The following PTPRN2 variants were observed in gnomAD, a reference collection of about 807,000 sequenced individuals.
The protein encoded by PTPRN2 is protein tyrosine phosphatase receptor type N2.
Under a neutral mutation model 118.8 loss-of-function variants are expected in PTPRN2, and 74 were observed. That is an observed-to-expected ratio of 0.62 (90% CI 0.52 to 0.76). The LOEUF (loss-of-function observed/expected upper bound fraction) is 0.76. Among genes scored for constraint, PTPRN2 ranks in the 30% least tolerant of loss-of-function variants. The pLI is 0.00. For missense variants in PTPRN2, 1,481 were observed against 1,394.4 expected, an observed-to-expected ratio of 1.06 and a Z score of -0.99; for synonymous variants, 641 against 608.0, an observed-to-expected ratio of 1.05 and a Z score of -0.80.
At chr7:158,560,250 G>C (rs142514784) in intron 1 of PTPRN2, among the ~76,000 whole-genome samples, 1 of 152,210 alleles carries the variant, frequency 6.6e-6, no homozygotes, top group African/African-American at 2.4e-5. Flanking sequence ...TCTAACCTTC[G>C]GTTATTGTGA....
At chr7:157,675,008 G>A (rs763098108) in intron 13 of PTPRN2, among the ~76,000 whole-genome samples, 19 of 152,288 alleles carry the variant, frequency 1.2e-4, no homozygotes, top group Admixed American at 2.6e-4. Context: ...CAAGCACAGC[G>A]CCCCTTGGGT....
chr7:158,228,165 G>A (rs1381078511), intron 3 of PTPRN2, among the ~76,000 whole-genome samples: 1 of 152,114 alleles, frequency 6.6e-6, no homozygotes, highest in African/African-American at 2.4e-5. Context: ...GTTGTTATAT[G>A]TTCACACTTC....
intron 2 of PTPRN2, among the ~76,000 whole-genome samples, chr7:158,455,267 C>A (rs1818387756): frequency 1.6e-5 from 2 of 125,978 alleles, no homozygotes; most frequent in Admixed American, 1.6e-4. Context: ...CGCCATCGGC[C>A]ACGGCCACCC....
intron 2 of PTPRN2, among the ~76,000 whole-genome samples, chr7:158,341,104 GTCACTCACACCCACA>G: frequency 6.4e-5 from 1 of 15,588 alleles, no homozygotes; most frequent in Non-Finnish European, 1.9e-4. Flanking sequence ...ACCTGCAGAC[GTCACTCACACCCACA>G]CGTCACTCAC....
rs200652430 is a variant in PTPRN2, at chr7:158,147,790, C to A, written c.911-9275G>T. 6.7e-3 allele frequency among the ~76,000 whole-genome samples: 461 copies of A among 68,946 alleles called. 4 individuals carry two copies. The highest frequency in any genetic ancestry group is 9.7e-3 in the Admixed American group (48 of 4,934). 45.2% of individuals were successfully genotyped at this position (68,946 alleles called of 152,430 possible). ...TCACGCCACGTGTTATTCCCCCTCA[C>A]TGACACCCCATTTCACGCCACACGT... On this transcript the variant is annotated intron_variant, in intron 6 of 22. Transcript: ENST00000389418.
At chr7:158,224,400 T>G (rs1828597603) in intron 3 of PTPRN2, among the ~76,000 whole-genome samples, 1 of 152,104 alleles carries the variant, frequency 6.6e-6, no homozygotes, top group Admixed American at 6.5e-5. Context: ...CAGATACAAA[T>G]AATACAATAG....
intron 10 of PTPRN2, among the ~76,000 whole-genome samples, chr7:158,089,426 A>G (rs60047187): frequency 2.6e-5 from 1 of 38,366 alleles, no homozygotes; most frequent in African/African-American, 5.0e-5. Flanking sequence ...CCCTGAGGAA[A>G]GAGGGAGTCT....
intron 12 of PTPRN2, among the ~76,000 whole-genome samples, chr7:157,822,760 G>A (rs1021541270): frequency 7.3e-5 from 11 of 150,180 alleles, no homozygotes; most frequent in African/African-American, 1.5e-4. Context: ...TCATCCATGC[G>A]TACATGCATC....
chr7:157,858,112 T>TCACCACCCACACTCCTGCAGGGAGAGCCC (rs1563179043), intron 12 of PTPRN2, among the ~76,000 whole-genome samples: 9 of 35,398 alleles, frequency 2.5e-4, no homozygotes, highest in African/African-American at 1.1e-3. Flanking sequence ...AGGGAGAGCC[T>TCACCACCCACACTCCTGCAGGGAGAGCCC]CCCAGCCACC....
chr7:158,167,845 C>G (rs1235391083), intron 5 of PTPRN2, among the ~76,000 whole-genome samples: 1 of 152,242 alleles, frequency 6.6e-6, no homozygotes, highest in Non-Finnish European at 1.5e-5. Flanking sequence ...GACATCCTTC[C>G]TCTTTCAGCC....
intron 2 of PTPRN2, among the ~76,000 whole-genome samples, chr7:158,396,696 G>A (rs1812542611): frequency 6.6e-6 from 1 of 152,170 alleles, no homozygotes; most frequent in Non-Finnish European, 1.5e-5. Context: ...GTGCATGTTT[G>A]TGTGTGCACA....
intron 1 of PTPRN2, among the ~76,000 whole-genome samples, chr7:158,521,248 G>C (rs952004894): frequency 6.6e-6 from 1 of 152,118 alleles, no homozygotes; most frequent in Admixed American, 6.6e-5. Context: ...GGTATGCAGG[G>C]CTGGCTGTAT....
intron 2 of PTPRN2, among the ~76,000 whole-genome samples, chr7:158,444,152 GGA>G (rs760593232): frequency 8.5e-5 from 13 of 152,340 alleles, no homozygotes; most frequent in Non-Finnish European, 1.8e-4. Context: ...CCTGCCCCAG[GGA>G]TGCTGCAGCC....
intron 6 of PTPRN2, among the ~76,000 whole-genome samples, chr7:158,139,235 C>T (rs560879556): frequency 3.3e-5 from 5 of 152,248 alleles, no homozygotes; most frequent in East Asian, 3.9e-4. Flanking sequence ...CTGCCATAAC[C>T]GCGGAGAGAT....
intron 12 of PTPRN2, among the ~76,000 whole-genome samples, chr7:157,776,280 C>G (rs1803230628): frequency 6.9e-6 from 1 of 145,670 alleles, no homozygotes; most frequent in Non-Finnish European, 1.5e-5. Context: ...TCCTCTTCAC[C>G]TCCTCCCTGT....
chr7:157,747,638 G>C (rs141224740), intron 12 of PTPRN2, among the ~76,000 whole-genome samples: 287 of 55,876 alleles, frequency 5.1e-3, no homozygotes, highest in Middle Eastern at 0.03. Context: ...TGTGGGGTGT[G>C]CGGGTGATTC....
intron 11 of PTPRN2, among the ~76,000 whole-genome samples, chr7:157,980,292 T>A (rs2128827732): frequency 6.6e-6 from 1 of 152,322 alleles, no homozygotes; most frequent in South Asian, 2.1e-4. Context: ...GTAAGAAAGT[T>A]CTTAAACCAC....
At chr7:158,582,796 CAAAAAAAAAAAAA>C (rs1156687117) in intron 1 of PTPRN2, among the ~76,000 whole-genome samples, 2 of 44,296 alleles carry the variant, frequency 4.5e-5, no homozygotes, top group African/African-American at 1.5e-4. Flanking sequence ...GACTCCATCT[CAAAAAAAAAAAAA>C]AAAAAAAAAA....
intron 14 of PTPRN2, among the ~76,000 whole-genome samples, chr7:157,637,299 G>A (rs980937858): frequency 2.6e-5 from 4 of 152,282 alleles, no homozygotes; most frequent in Non-Finnish European, 4.4e-5. Context: ...CAACCTTTAC[G>A]TAACTAAGCC....
Sources: gnomAD v4.1 joint callset for allele counts (sites outside exome capture counted in the v4.1 genomes callset) on GRCh38, gnomAD v4.1.1 for gene constraint, MANE v1.5 for transcripts, NCBI Gene and HGNC (gene_info 2026-07-23, HGNC 2026-07-21) for gene names.